MPHOSPH6: variants seen among roughly 807,000 people sequenced by gnomAD.
MPHOSPH6 encodes the protein M-phase phosphoprotein 6.
MPHOSPH6 carries 25 observed loss-of-function variants against 21.8 expected under a neutral mutation model. The observed-to-expected ratio is 1.15, with a 90% CI of 0.83 to 1.60. The LOEUF is 1.60. MPHOSPH6 is among the 40% of genes most tolerant of loss of function. The probability of loss-of-function intolerance (pLI) is 0.00; values close to 1 mark genes in which losing one functional copy is unlikely to be tolerated. For synonymous variants in MPHOSPH6, 84 were observed against 56.5 expected, an observed-to-expected ratio of 1.49 and a Z score of -2.18; for missense variants, 269 against 181.8, an observed-to-expected ratio of 1.48 and a Z score of -2.76.
intron 2 of MPHOSPH6, among the ~76,000 whole-genome samples, chr16:82,153,471 G>C (rs932641096): frequency 1.3e-5 from 2 of 152,168 alleles, no homozygotes; most frequent in Admixed American, 1.3e-4. Flanking sequence ...GCAGGGAGTG[G>C]GGGACTCACA....
chr16:82,154,796 G>A (rs954016240), intron 2 of MPHOSPH6, among the ~76,000 whole-genome samples: 5 of 152,052 alleles, frequency 3.3e-5, no homozygotes, highest in African/African-American at 1.2e-4. Flanking sequence ...TGGCTTCACT[G>A]GTGAATTTCA....
At chr16:82,152,851 G>C (rs886766055) in intron 2 of MPHOSPH6, among the ~76,000 whole-genome samples, 12 of 152,192 alleles carry the variant, frequency 7.9e-5, no homozygotes, top group Admixed American at 2.0e-4. Flanking sequence ...CAAACATGTG[G>C]CTTTTAAGGC....
At chr16:82,162,350 A>G (rs891864400) in intron 2 of MPHOSPH6, 1 of 152,142 alleles carries the variant, frequency 6.6e-6, no homozygotes, top group Non-Finnish European at 1.5e-5. Flanking sequence ...TCAATACAAC[A>G]CGTATACCAA....
intron 1 of MPHOSPH6, 112 bp downstream of exon 1, chr16:82,170,013 G>A (rs1248384879): frequency 3.4e-6 from 4 of 1,177,610 alleles, no homozygotes; most frequent in African/African-American, 1.6e-5. Flanking sequence ...AGAGCTGGAA[G>A]CCCTCTGAGG....
chr16:82,166,441 A>T (rs1197070007), intron 1 of MPHOSPH6, among the ~76,000 whole-genome samples: 1 of 152,190 alleles, frequency 6.6e-6, no homozygotes, highest in Non-Finnish European at 1.5e-5. Flanking sequence ...CTTTGGTAAG[A>T]CTTCCTGGTT....
chr16:82,153,351 T>A (rs1344359548), intron 2 of MPHOSPH6, among the ~76,000 whole-genome samples: 2 of 152,132 alleles, frequency 1.3e-5, no homozygotes, highest in East Asian at 3.9e-4. Flanking sequence ...CATTTTCAGA[T>A]AATGAACAAA....
chr16:82,149,276 C>A (rs1380618576), intron 4 of MPHOSPH6, 33 bp downstream of exon 4: 1 of 1,601,472 alleles, frequency 6.2e-7, no homozygotes, highest in South Asian at 1.1e-5. Flanking sequence ...AATGCTAGGT[C>A]CAGATTAGAA....
At chr16:82,166,066 G>A (rs548949149) in intron 1 of MPHOSPH6, among the ~76,000 whole-genome samples, 8 of 152,198 alleles carry the variant, frequency 5.3e-5, no homozygotes, top group Admixed American at 1.3e-4. Context: ...ATGAGTGCGT[G>A]TAAAATGGTG....
intron 2 of MPHOSPH6, among the ~76,000 whole-genome samples, chr16:82,158,238 C>T (rs552742514): frequency 2.0e-5 from 3 of 151,642 alleles, no homozygotes; most frequent in South Asian, 4.2e-4. Flanking sequence ...CCTGTAATCC[C>T]AGCAGTTTGG....
At chr16:82,150,848 A>G (rs988105945) in intron 3 of MPHOSPH6, among the ~76,000 whole-genome samples, 6 of 152,240 alleles carry the variant, frequency 3.9e-5, no homozygotes, top group Admixed American at 2.0e-4. Context: ...CAAGTACTTG[A>G]TAGGATGGCT....
At chr16:82,151,650 A>G in intron 2 of MPHOSPH6, 136 bp from the exon 3 acceptor site, 1 of 1,253,064 alleles carries the variant, frequency 8.0e-7, no homozygotes, top group Non-Finnish European at 1.0e-6. Flanking sequence ...TTTCTAACTT[A>G]GGGTTAAAAA....
At chr16:82,167,589 C>T (rs1906825194) in intron 1 of MPHOSPH6, 1 of 160,276 alleles carries the variant, frequency 6.2e-6, no homozygotes, top group Non-Finnish European at 1.3e-5. Flanking sequence ...TGAAACTAGA[C>T]AGTCCCATCT....
At chr16:82,167,390 G>C (rs922308791) in intron 1 of MPHOSPH6, 1 of 152,400 alleles carries the variant, frequency 6.6e-6, no homozygotes, top group African/African-American at 2.4e-5. Context: ...TTTGGCACCA[G>C]GGATGGGCTT....
At chr16:82,149,279 G>C in intron 4 of MPHOSPH6, 30 bp downstream of exon 4, 1 of 1,604,950 alleles carries the variant, frequency 6.2e-7, no homozygotes, top group Non-Finnish European at 8.5e-7. Context: ...GCTAGGTCCA[G>C]ATTAGAAGGC....
intron 2 of MPHOSPH6, 111 bp downstream of exon 2, chr16:82,163,971 G>T (rs1906682541): frequency 1.5e-6 from 1 of 687,904 alleles, no homozygotes; most frequent in Non-Finnish European, 2.4e-6. Flanking sequence ...TCAATAAACT[G>T]AACAGAAACA....
intron 1 of MPHOSPH6, chr16:82,167,550 A>AT: frequency 6.4e-6 from 1 of 155,350 alleles, no homozygotes; most frequent in African/African-American, 2.4e-5. Flanking sequence ...CACAATGAAG[A>AT]ATCAGTGGAA....
chr16:82,166,468 C>G (rs1002513203), intron 1 of MPHOSPH6, among the ~76,000 whole-genome samples: 2 of 152,210 alleles, frequency 1.3e-5, no homozygotes, highest in African/African-American at 4.8e-5. Flanking sequence ...TGGCTTGGCT[C>G]TTCCTAGGTC....
chr16:82,167,949 T>C (rs921525143), intron 1 of MPHOSPH6, among the ~76,000 whole-genome samples: 1 of 152,214 alleles, frequency 6.6e-6, no homozygotes, highest in Non-Finnish European at 1.5e-5. Flanking sequence ...AGCTACTCCA[T>C]GCCTTCTCAC....
chr16:82,153,054 G>A (rs576930357), intron 2 of MPHOSPH6, among the ~76,000 whole-genome samples: 68 of 152,166 alleles, frequency 4.5e-4, no homozygotes, highest in Non-Finnish European at 8.2e-4. Context: ...TCGCATCCCA[G>A]AAGTGGAAGT....
Sources: gnomAD v4.1 joint callset for allele counts (sites outside exome capture counted in the v4.1 genomes callset) on GRCh38, gnomAD v4.1.1 for gene constraint, MANE v1.5 for transcripts, NCBI Gene and HGNC (gene_info 2026-07-23, HGNC 2026-07-21) for gene names.